SERPINB5: variants seen among roughly 807,000 people sequenced by gnomAD.
SERPINB5 encodes serpin family B member 5, also known as serpin B5.
SERPINB5 carries 27 observed loss-of-function variants against 32.2 expected under a neutral mutation model. The observed-to-expected ratio is 0.84, with a 90% CI of 0.62 to 1.16. The LOEUF is 1.16. Ranked by LOEUF, SERPINB5 falls within the 50% of genes most tolerant of loss-of-function variation. The probability of loss-of-function intolerance (pLI) is 0.00; values close to 1 mark genes in which losing one functional copy is unlikely to be tolerated. For missense variants in SERPINB5, 388 were observed against 436.3 expected (o/e 0.89, Z 0.99); for synonymous variants, 154 against 157.4 (o/e 0.98, Z 0.16).
At position 63,477,767 on chromosome 18, in the gene SERPINB5, C is replaced by T. The variant is rs77385993; in HGVS notation, c.-8+722C>T. Among the ~76,000 whole-genome samples, 1,242 of 152,274 alleles carry T rather than the reference C, an allele frequency of 8.2e-3. 18 individuals carry two copies. Among genetic ancestry groups the T allele is most frequent in the African/African-American group, 0.028 (1,184 of 41,544 alleles). ...TTCTTATGGCTTCATTTAAGCATAT[C>T]ATACTAAAAACCAACATGCCAGGCT... On this transcript the variant is annotated intron_variant, in intron 1 of 6. Coordinates refer to ENST00000382771, the MANE Select transcript of SERPINB5 (RefSeq NM_002639.5).
At chr18:63,494,747 C>T (rs1909414073) in intron 5 of SERPINB5, among the ~76,000 whole-genome samples, 1 of 152,174 alleles carries the variant, frequency 6.6e-6, no homozygotes, top group Non-Finnish European at 1.5e-5. Context: ...TTCATACTCT[C>T]CCCTGTCCAC....
chr18:63,493,766 G>A (rs1047746485), intron 5 of SERPINB5: 7 of 152,916 alleles, frequency 4.6e-5, no homozygotes, highest in African/African-American at 1.7e-4. Context: ...GGCTGAGGCA[G>A]GAGAATCAGA....
intron 6 of SERPINB5, among the ~76,000 whole-genome samples, chr18:63,500,419 C>T (rs913776247): frequency 1.4e-4 from 21 of 152,040 alleles, no homozygotes; most frequent in Admixed American, 1.1e-3. Flanking sequence ...GATTTTAATA[C>T]GTACACATAT....
chr18:63,504,110 T>A lies in SERPINB5; in HGVS notation c.*388T>A, dbSNP rs1404302735. 9.4e-6 allele frequency: 2 copies of A among 213,608 alleles called. No individual in the cohort carries two copies. Among genetic ancestry groups the A allele is most frequent in the African/African-American group, 4.8e-5 (2 of 41,996 alleles). 13.2% of individuals were successfully genotyped at this position (213,608 alleles called of 1,614,324 possible). A position where few individuals can be genotyped will look rare whatever the true frequency, so the allele number is the denominator to read the frequency against. ...TGCTTTCCTTCTTTGGGATAGAGAA[T>A]GTTCCAGACATTCTCGCTTCCCTGA... On this transcript the variant is annotated 3_prime_UTR_variant, in exon 7 of 7. Coordinates refer to ENST00000382771, the MANE Select transcript of SERPINB5 (RefSeq NM_002639.5).
chr18:63,497,233 T>C, intron 5 of SERPINB5: 1 of 802,850 alleles, frequency 1.2e-6, no homozygotes, highest in Non-Finnish European at 2.2e-6. Flanking sequence ...TGTGGTTGGT[T>C]CAGGGGCTAG....
At chr18:63,496,583 A>T (rs560262101) in intron 5 of SERPINB5, among the ~76,000 whole-genome samples, 1 of 152,336 alleles carries the variant, frequency 6.6e-6, no homozygotes, top group Non-Finnish European at 1.5e-5. Flanking sequence ...AGTAAAATAA[A>T]TAACGTTTAG....
At chr18:63,484,010 G>A (rs376107363) in intron 1 of SERPINB5, among the ~76,000 whole-genome samples, 15 of 152,288 alleles carry the variant, frequency 9.8e-5, no homozygotes, top group Non-Finnish European at 1.6e-4. Flanking sequence ...GCTGCAATTC[G>A]ACTGTTTTTG....
At chr18:63,489,264 T>G in intron 3 of SERPINB5, 83 bp from the exon 4 acceptor site, 2 of 772,304 alleles carry the variant, frequency 2.6e-6, no homozygotes, top group South Asian at 1.9e-5. Context: ...GCAGTTGATA[T>G]TTAATAATCC....
intron 2 of SERPINB5, chr18:63,485,771 T>C (rs17062672): frequency 0.057 from 8,675 of 152,766 alleles, 429 homozygotes; most frequent in South Asian, 0.2. Context: ...GTCTCCTTCA[T>C]CCATCTTTAG....
At position 63,504,218 on chromosome 18, in the gene SERPINB5, A is replaced by G. The variant is rs1909634657; in HGVS notation, c.*496A>G. On this transcript the variant is annotated 3_prime_UTR_variant, in exon 7 of 7. Coordinates refer to ENST00000382771, the MANE Select transcript of SERPINB5 (RefSeq NM_002639.5). ...CTTGGGCACATGCTCAGGCTACTATAGGTCCAGAAGTCCTTATGTTAAGCC... is the reference window on the plus strand; with the variant it reads ...CTTGGGCACATGCTCAGGCTACTATGGGTCCAGAAGTCCTTATGTTAAGCC... 6.4e-6 allele frequency: 1 copy of G among 157,100 alleles called. No homozygotes were observed. Among genetic ancestry groups the G allele is most frequent in the Admixed American group, 6.5e-5 (1 of 15,494 alleles). The allele number at this position is 157,100 out of a possible 1,614,324, so 9.7% of individuals were successfully genotyped here.
At chr18:63,500,612 C>A (rs1393601920) in intron 6 of SERPINB5, among the ~76,000 whole-genome samples, 1 of 151,964 alleles carries the variant, frequency 6.6e-6, no homozygotes, top group Non-Finnish European at 1.5e-5. Flanking sequence ...CTCTCTGCTC[C>A]CTCACCTCTG....
rs142746874 is a variant in SERPINB5, at chr18:63,502,795, C to T, written c.736-535C>T. On this transcript the variant is annotated intron_variant, in intron 6 of 6. Transcript: ENST00000382771. The stretch of plus-strand genomic sequence containing the variant: ...GCACTTTGGGAGGCTGAGGCTGGCA[C>T]ATCACTTGAAGCCAGGAGTTTGAGA... Among the ~76,000 whole-genome samples the T allele has an allele frequency of 4.3e-3, 661 of 152,146 alleles. 8 individuals carry two copies. The highest frequency in any genetic ancestry group is 0.015 in the African/African-American group (607 of 41,512).
intron 6 of SERPINB5, among the ~76,000 whole-genome samples, chr18:63,500,895 TC>T (rs1208856002): frequency 4.0e-5 from 6 of 149,842 alleles, no homozygotes; most frequent in African/African-American, 7.6e-5. Flanking sequence ...GGTGCATTAC[TC>T]TCTCTGTTTT....
intron 1 of SERPINB5, among the ~76,000 whole-genome samples, chr18:63,482,204 C>T (rs1472460345): frequency 5.3e-5 from 8 of 152,178 alleles, no homozygotes; most frequent in African/African-American, 9.6e-5. Context: ...GGAGTCCTCT[C>T]CTCCATCTTA....
Position 63,484,737 on chromosome 18 carries a change from T to C in SERPINB5, c.168+141T>C, listed in dbSNP as rs540941722. ...GAACTGTGCCATTCCAGGACTCTCTTAATCTTTTTTTTTTTTTTTTTTTTT... is the reference window on the plus strand; with the variant it reads ...GAACTGTGCCATTCCAGGACTCTCTCAATCTTTTTTTTTTTTTTTTTTTTT... On this transcript the variant is annotated intron_variant, in intron 2 of 6. Transcript: ENST00000382771. The C allele has an allele frequency of 1.0e-3, 493 of 472,552 alleles. 1 individual carries two copies. Among genetic ancestry groups the C allele is most frequent in the Admixed American group, 4.3e-3 (92 of 21,458 alleles). The allele number at this position is 472,552 out of a possible 1,614,324, so 29.3% of individuals were successfully genotyped here.
chr18:63,497,080 A>G, intron 5 of SERPINB5: 1 of 589,058 alleles, frequency 1.7e-6, no homozygotes, highest in South Asian at 1.4e-5. Context: ...TCCTTCTTGA[A>G]TAGCCCAGAG....
At chr18:63,479,511 A>T (rs1411382852) in intron 1 of SERPINB5, among the ~76,000 whole-genome samples, 1 of 151,926 alleles carries the variant, frequency 6.6e-6, no homozygotes, top group Non-Finnish European at 1.5e-5. Context: ...TGCAAGGCTA[A>T]CTCCTACTTA....
chr18:63,484,323 A>G (rs1272191269), intron 1 of SERPINB5, 99 bp from the exon 2 acceptor site: 6 of 1,141,180 alleles, frequency 5.3e-6, no homozygotes, highest in Non-Finnish European at 7.3e-6. Context: ...GAGATCAATT[A>G]CTTTGTTTAA....
chr18:63,482,464 A>C (rs1442398187), intron 1 of SERPINB5, among the ~76,000 whole-genome samples: 3 of 152,158 alleles, frequency 2.0e-5, no homozygotes, highest in African/African-American at 7.2e-5. Context: ...TAATCCCTGT[A>C]CTGCTCACCC....
Sources: allele counts gnomAD v4.1 joint callset (sites outside exome capture counted in the v4.1 genomes callset), GRCh38; gene constraint gnomAD v4.1.1; transcripts MANE v1.5; gene names NCBI Gene and HGNC (gene_info 2026-07-23, HGNC 2026-07-21).